The following DPT variants were observed in gnomAD, a reference collection of about 807,000 sequenced individuals.
The protein encoded by DPT is tyrosine-rich acidic matrix protein.
DPT carries 21 observed loss-of-function variants against 31.2 expected under a neutral mutation model. That is an observed-to-expected ratio of 0.67 (90% CI 0.48 to 0.97). DPT has a LOEUF of 0.97. DPT is among the 50% of genes least tolerant of loss of function. The pLI, the probability that DPT is intolerant of heterozygous loss-of-function variation, is 0.00. For missense variants in DPT, 262 were observed against 258.8 expected, an observed-to-expected ratio of 1.01 and a Z score of -0.08; for synonymous variants, 91 against 86.9, an observed-to-expected ratio of 1.05 and a Z score of -0.26.
chr1:168,707,133 G>A (rs1357222238), intron 2 of DPT, among the ~76,000 whole-genome samples: 1 of 152,168 alleles, frequency 6.6e-6, no homozygotes, highest in Non-Finnish European at 1.5e-5. Flanking sequence ...ACTTTGAAGG[G>A]AGCCACAACT....
intron 1 of DPT, among the ~76,000 whole-genome samples, chr1:168,714,691 T>C (rs1649939226): frequency 6.6e-6 from 1 of 152,250 alleles, no homozygotes; most frequent in Non-Finnish European, 1.5e-5. Flanking sequence ...TCATGCCATT[T>C]AAAATAAAAG....
chr1:168,722,032 C>A (rs1349682862), intron 1 of DPT, among the ~76,000 whole-genome samples: 2 of 152,088 alleles, frequency 1.3e-5, no homozygotes, highest in African/African-American at 4.8e-5. Flanking sequence ...ATACAAATTC[C>A]TCAGGTTTTT....
chr1:168,721,296 C>A (rs546335804), intron 1 of DPT, among the ~76,000 whole-genome samples: 2 of 152,274 alleles, frequency 1.3e-5, no homozygotes, highest in East Asian at 3.9e-4. Context: ...ATATTTATAC[C>A]TACTTCTGTA....
intron 3 of DPT, among the ~76,000 whole-genome samples, chr1:168,699,584 G>A (rs915767774): frequency 1.0e-4 from 15 of 144,410 alleles, no homozygotes; most frequent in African/African-American, 3.1e-4. Flanking sequence ...GCTACTTAAT[G>A]TCTTTTTTTT....
chr1:168,728,872 T>C lies in DPT; in HGVS notation c.303A>G (p.Glu101=), dbSNP rs767079415. 2 of 1,614,044 alleles carry C rather than the reference T, an allele frequency of 1.2e-6. No individual in the cohort carries two copies. The highest frequency in any genetic ancestry group is 1.7e-6 in the Non-Finnish European group (2 of 1,179,920). The change falls in exon 1 of 4, where the codon GAA becomes GAG. Residue 101 remains glutamate (E), a splice_region_variant and synonymous_variant. Coordinates refer to ENST00000367817, the MANE Select transcript of DPT (RefSeq NM_001937.5). ...WWEEINRAGM[E]WYQTCSNNGL... The stretch of plus-strand genomic sequence containing the variant: ...GCAGTGCAGGGACTGGCCCTTACCA[T>C]TCCATGCCAGCCCTGTTGATCTCCT...
intron 1 of DPT, among the ~76,000 whole-genome samples, chr1:168,716,698 C>T (rs912515155): frequency 6.6e-6 from 1 of 152,152 alleles, no homozygotes; most frequent in Non-Finnish European, 1.5e-5. Flanking sequence ...AATGCTCTCC[C>T]TCTCCTCACA....
At chr1:168,697,263 CA>C (rs756710718) in intron 3 of DPT, among the ~76,000 whole-genome samples, 32 of 151,214 alleles carry the variant, frequency 2.1e-4, no homozygotes, top group African/African-American at 7.5e-4. Flanking sequence ...AACCCTGTCT[CA>C]AAAAAAAGAA....
At chr1:168,715,485 A>G (rs1649961495) in intron 1 of DPT, among the ~76,000 whole-genome samples, 1 of 152,186 alleles carries the variant, frequency 6.6e-6, no homozygotes, top group African/African-American at 2.4e-5. Context: ...CTTGCTACTT[A>G]TCCAGGATCT....
intron 2 of DPT, among the ~76,000 whole-genome samples, chr1:168,713,836 T>TTCCCAAATAGGC (rs1214302773): frequency 6.6e-6 from 1 of 152,062 alleles, no homozygotes; most frequent in Non-Finnish European, 1.5e-5. Flanking sequence ...GGAAACTAGG[T>TTCCCAAATAGGC]TCCCAAATAG....
At chr1:168,728,132 C>T (rs746375670) in intron 1 of DPT, among the ~76,000 whole-genome samples, 2 of 152,204 alleles carry the variant, frequency 1.3e-5, no homozygotes, top group Non-Finnish European at 2.9e-5. Flanking sequence ...GAAAAAATTC[C>T]ATGCCACTGC....
At position 168,728,942 on chromosome 1, in the gene DPT, A is replaced by G; in HGVS notation, c.233T>C (p.Met78Thr). Residue 78 changes from methionine (M) to threonine (T), a missense_variant, in exon 1 of 4, where the codon ATG (methionine) becomes ACG (threonine). Transcript: ENST00000367817. ...GSDRQWNYACMPTPQSLGEPT... is the reference protein window; with the variant it reads ...GSDRQWNYACTPTPQSLGEPT... ...TTCCCCGAGGCTCTGTGGCGTGGGC[A>G]TGCAGGCGTAGTTCCATTGTCTGTC... 6.2e-7 allele frequency: 1 copy of G among 1,614,200 alleles called. No homozygotes were observed. Among genetic ancestry groups the G allele is most frequent in the Non-Finnish European group, 8.5e-7 (1 of 1,180,036 alleles).
intron 1 of DPT, among the ~76,000 whole-genome samples, chr1:168,720,823 C>T (rs1572632171): frequency 6.6e-6 from 1 of 152,118 alleles, no homozygotes; most frequent in South Asian, 2.1e-4. Flanking sequence ...TAGAGTAAAG[C>T]TTTGATTTTT....
intron 1 of DPT, 60 bp from the exon 2 acceptor site, chr1:168,714,406 A>C: frequency 6.2e-7 from 1 of 1,603,412 alleles, no homozygotes; most frequent in South Asian, 1.1e-5. Context: ...ACCCCTTCCC[A>C]AGACCCCACT....
chr1:168,720,438 C>T (rs1279264683), intron 1 of DPT, among the ~76,000 whole-genome samples: 1 of 151,138 alleles, frequency 6.6e-6, no homozygotes, highest in Non-Finnish European at 1.5e-5. Flanking sequence ...GTGAACCCCT[C>T]TATACAATTT....
In DPT at chr1:168,714,325, A is replaced by G; in HGVS notation, c.327T>C (p.Asn109=). The G allele has an allele frequency of 6.2e-7, 1 of 1,614,080 alleles. No individual in the cohort carries two copies. The highest frequency in any genetic ancestry group is 8.5e-7 in the Non-Finnish European group (1 of 1,180,012). Residue 109 remains asparagine (N), a synonymous_variant, in exon 2 of 4, where the codon AAT becomes AAC. Transcript: ENST00000367817. The stretch of plus-strand genomic sequence containing the variant: ...GGCTCTGGAATCCTGCCACCAGCCC[A>G]TTGTTGGAGCACGTCTGGTACCTGA... ...GMEWYQTCSN[N]GLVAGFQSRY... is the part of the protein sequence containing the mutation.
At position 168,696,352 on chromosome 1, in the gene DPT, T is replaced by C. The variant is rs1649465945; in HGVS notation, c.*197A>G. ...TGAAACATGTGAAAAGTGAGAAACA[T>C]GGTTTAATTGTGGATTTTATTAGAA... On this transcript the variant is annotated 3_prime_UTR_variant, in exon 4 of 4. Coordinates refer to ENST00000367817, the MANE Select transcript of DPT (RefSeq NM_001937.5). 3.4e-6 allele frequency: 2 copies of C among 582,606 alleles called. No individual in the cohort carries two copies. Among genetic ancestry groups the C allele is most frequent in the African/African-American group, 1.9e-5 (1 of 53,428 alleles). 36.1% of individuals were successfully genotyped at this position (582,606 alleles called of 1,614,324 possible).
chr1:168,723,840 T>C (rs1484939675), intron 1 of DPT, among the ~76,000 whole-genome samples: 1 of 152,232 alleles, frequency 6.6e-6, no homozygotes, highest in African/African-American at 2.4e-5. Context: ...TTTTTAAATT[T>C]TATTTTGAAG....
At chr1:168,711,755 G>A (rs1447552105) in intron 2 of DPT, among the ~76,000 whole-genome samples, 1 of 152,216 alleles carries the variant, frequency 6.6e-6, no homozygotes, top group Non-Finnish European at 1.5e-5. Context: ...AGGGGACTCT[G>A]TTTCAAGACA....
At chr1:168,705,178 G>C (rs1029669565) in intron 2 of DPT, among the ~76,000 whole-genome samples, 25 of 152,278 alleles carry the variant, frequency 1.6e-4, no homozygotes, top group African/African-American at 6.0e-4. Flanking sequence ...CTCAGCGTAA[G>C]GTTTTGTGAA....
Sources: allele counts gnomAD v4.1 joint callset (sites outside exome capture counted in the v4.1 genomes callset), GRCh38; gene constraint gnomAD v4.1.1; transcripts MANE v1.5; gene names NCBI Gene and HGNC (gene_info 2026-07-23, HGNC 2026-07-21).